Variants in MLN observed in about 807,000 individuals in gnomAD.
MLN encodes promotilin.
In MLN, 14 loss-of-function variants were observed where a neutral mutation model predicts 13.3. That is an observed-to-expected ratio of 1.05 (90% CI 0.69 to 1.64). MLN has a LOEUF of 1.64. Ranked by LOEUF, MLN falls within the 40% of genes most tolerant of loss-of-function variation. MLN has a pLI of 0.00. For synonymous variants in MLN, 59 were observed against 54.7 expected (o/e 1.08, Z -0.34); for missense variants, 122 against 142.9 (o/e 0.85, Z 0.75).
intron 2 of MLN, among the ~76,000 whole-genome samples, chr6:33,800,464 T>G (rs1188212120): frequency 1.3e-5 from 2 of 152,220 alleles, no homozygotes; most frequent in Non-Finnish European, 2.9e-5. Flanking sequence ...CAGCCTTGTT[T>G]CCCGCCTCTG....
intron 1 of MLN, 89 bp from the exon 2 acceptor site, chr6:33,801,259 A>G: frequency 2.2e-6 from 2 of 909,338 alleles, no homozygotes; most frequent in Non-Finnish European, 1.8e-6. Context: ...GTTCTGGCCC[A>G]TGCCCTACCT....
In MLN at chr6:33,803,504, C is replaced by T. The variant is rs1372479401; in HGVS notation, c.-8+449G>A. 6.6e-6 allele frequency among the ~76,000 whole-genome samples: 1 copy of T among 152,078 alleles called. No individual in the cohort carries two copies. Among genetic ancestry groups the T allele is most frequent in the Non-Finnish European group, 1.5e-5 (1 of 68,010 alleles). On this transcript the variant is annotated intron_variant, in intron 1 of 4. Coordinates refer to ENST00000430124, the MANE Select transcript of MLN (RefSeq NM_002418.3). This position sits in a 1 kb window ranked among gnomAD's most constrained non-coding sequence, Gnocchi z 4.5. ...TGTATTTTTAGTAGAGACAGGGTGTCACCATATTGGCCTGGCTGGTCTCAA... is the reference window on the plus strand; with the variant it reads ...TGTATTTTTAGTAGAGACAGGGTGTTACCATATTGGCCTGGCTGGTCTCAA...
chr6:33,798,700 G>A (rs769234335), intron 3 of MLN, among the ~76,000 whole-genome samples: 5 of 152,204 alleles, frequency 3.3e-5, no homozygotes, highest in Admixed American at 2.0e-4. Flanking sequence ...AGGGCCTGTC[G>A]CCCACCGGTG....
chr6:33,799,082 CT>C lies in MLN; in HGVS notation c.234+22del. 2 of 1,546,424 alleles carry C rather than the reference CT, an allele frequency of 1.3e-6. No homozygotes were observed. Among genetic ancestry groups the C allele is most frequent in the Non-Finnish European group, 1.8e-6 (2 of 1,121,232 alleles). On this transcript the variant is annotated intron_variant, in intron 3 of 4. Transcript: ENST00000430124. The surrounding 1 kb of genome is among the most constrained non-coding windows in gnomAD (Gnocchi z 4.6). ...GCATGCCCTGCTCTGAGTTTCTCTC[CT>C]TTGTCCCAGTTGTCTGCTCACCTTG...
chr6:33,802,558 G>A (rs934662151), intron 1 of MLN, among the ~76,000 whole-genome samples: 5 of 152,226 alleles, frequency 3.3e-5, no homozygotes, highest in East Asian at 1.9e-4. Flanking sequence ...ACCCTACCAC[G>A]CCAGACGCTC....
At chr6:33,795,944 T>A (rs537447197) in intron 3 of MLN, among the ~76,000 whole-genome samples, 4 of 150,710 alleles carry the variant, frequency 2.7e-5, no homozygotes, top group African/African-American at 9.7e-5. Flanking sequence ...TGTGGAGTCT[T>A]ACCCTTATTC....
At chr6:33,795,111 T>C (rs1205653902) in intron 4 of MLN, among the ~76,000 whole-genome samples, 1 of 152,248 alleles carries the variant, frequency 6.6e-6, no homozygotes, top group East Asian at 1.9e-4. Flanking sequence ...AGAGGAGATG[T>C]AGCTTTGCTC....
At chr6:33,797,374 C>G (rs372406896) in intron 3 of MLN, among the ~76,000 whole-genome samples, 1 of 152,224 alleles carries the variant, frequency 6.6e-6, no homozygotes. Context: ...GCCTCCAGCC[C>G]TCACCTCTCT....
chr6:33,801,910 A>ATGTG (rs1760837699), intron 1 of MLN, among the ~76,000 whole-genome samples: 1 of 152,168 alleles, frequency 6.6e-6, no homozygotes, highest in South Asian at 2.1e-4. Flanking sequence ...GGAAGCAGGT[A>ATGTG]TGTGTGGAAT....
In MLN at chr6:33,801,165, T is replaced by G. The variant is rs1302653717; in HGVS notation, c.-2A>C. The G allele has an allele frequency of 6.2e-7, 1 of 1,611,436 alleles. No homozygotes were observed. Among genetic ancestry groups the G allele is most frequent in the Non-Finnish European group, 8.5e-7 (1 of 1,177,652 alleles). On this transcript the variant is annotated 5_prime_UTR_variant, in exon 2 of 5. Coordinates refer to ENST00000430124, the MANE Select transcript of MLN (RefSeq NM_002418.3). Reference sequence around the variant, plus strand: ...AGCCACAGCCTTACGGGATACCATCTTGGAGCTGGACAATGACAAGGAGCT... The same window carrying G: ...AGCCACAGCCTTACGGGATACCATCGTGGAGCTGGACAATGACAAGGAGCT...
chr6:33,796,060 C>T (rs2013381), intron 3 of MLN, among the ~76,000 whole-genome samples: 54,531 of 150,474 alleles, frequency 0.36, 10,650 homozygotes, highest in East Asian at 0.77. Context: ...CCCGGGTTCA[C>T]GCCATTCTCC....
In MLN at chr6:33,794,702, G is replaced by A. The variant is rs1371603267; in HGVS notation, c.*123C>T. ...TATTTCATGCTTTATTTGCTGGAGG[G>A]GAATTTGCTTTGGAAAGGGTGTTTT... On this transcript the variant is annotated 3_prime_UTR_variant, in exon 5 of 5. Coordinates refer to ENST00000430124, the MANE Select transcript of MLN (RefSeq NM_002418.3). 9.6e-6 allele frequency: 10 copies of A among 1,041,380 alleles called. No individual in the cohort carries two copies. The African/African-American group carries it at 1.3e-4, about 13-fold the overall frequency. The allele number at this position is 1,041,380 out of a possible 1,614,324, so 64.5% of individuals were successfully genotyped here.
Position 33,803,319 on chromosome 6 carries a change from T to TTC in MLN, c.-8+633_-8+634insGA, listed in dbSNP as rs1760897220. ...CTTTTCTTTTCTTCTTTTTTTTTTT[T>TTC]TTTTCTGAGATGGAGTCTCGCTCTG... On this transcript the variant is annotated intron_variant, in intron 1 of 4. Transcript: ENST00000430124. The surrounding 1 kb of genome is among the most constrained non-coding windows in gnomAD (Gnocchi z 4.5). Among the ~76,000 whole-genome samples, 1 of 149,862 alleles carries TTC rather than the reference T, an allele frequency of 6.7e-6. No homozygotes were observed. The highest frequency in any genetic ancestry group is 1.5e-5 in the Non-Finnish European group (1 of 67,334).
At chr6:33,798,639 G>C (rs1561934393) in intron 3 of MLN, among the ~76,000 whole-genome samples, 1 of 152,226 alleles carries the variant, frequency 6.6e-6, no homozygotes, top group Non-Finnish European at 1.5e-5. Flanking sequence ...TGCAGGCCCT[G>C]CCTGGGCTGG....
rs181517987 is a variant in MLN, at chr6:33,803,060, G to A, written c.-8+893C>T. On this transcript the variant is annotated intron_variant, in intron 1 of 4. Coordinates refer to ENST00000430124, the MANE Select transcript of MLN (RefSeq NM_002418.3). The surrounding 1 kb of genome is among the most constrained non-coding windows in gnomAD (Gnocchi z 4.5). ...CATTTTCTTGATCCAACTGGCAGTCGGCATGTCACCTACGTTCATGTGTGT... is the reference window on the plus strand; with the variant it reads ...CATTTTCTTGATCCAACTGGCAGTCAGCATGTCACCTACGTTCATGTGTGT... 2.8e-4 allele frequency among the ~76,000 whole-genome samples: 43 copies of A among 152,198 alleles called. No homozygotes were observed. The highest frequency in any genetic ancestry group is 5.4e-4 in the Non-Finnish European group (37 of 68,010).
chr6:33,802,326 C>T (rs1042027058), intron 1 of MLN, among the ~76,000 whole-genome samples: 1 of 152,130 alleles, frequency 6.6e-6, no homozygotes, highest in Non-Finnish European at 1.5e-5. Context: ...GCCCCTCCAG[C>T]AGTAGGGGTA....
At chr6:33,801,278 G>A in intron 1 of MLN, 108 bp from the exon 2 acceptor site, 3 of 778,038 alleles carry the variant, frequency 3.9e-6, no homozygotes, top group East Asian at 2.6e-5. Flanking sequence ...CTCTAGCTGT[G>A]TGATCTTCAG....
At chr6:33,797,568 C>T (rs1767954915) in intron 3 of MLN, among the ~76,000 whole-genome samples, 1 of 152,236 alleles carries the variant, frequency 6.6e-6, no homozygotes, top group Admixed American at 6.5e-5. Context: ...GGCCCAAACC[C>T]TTGAAGTCAA....
At chr6:33,800,944 G>A (rs1007235211) in intron 2 of MLN, 103 bp downstream of exon 2, 30 of 869,778 alleles carry the variant, frequency 3.4e-5, no homozygotes, top group Non-Finnish European at 5.1e-5. Flanking sequence ...CTGGAACTGG[G>A]GGTTATCTTG....
Sources: gnomAD v4.1 joint callset for allele counts (sites outside exome capture counted in the v4.1 genomes callset) on GRCh38, gnomAD v4.1.1 for gene constraint, Gnocchi (gnomAD v3.1) non-coding constraint, MANE v1.5 for transcripts, NCBI Gene and HGNC (gene_info 2026-07-23, HGNC 2026-07-21) for gene names.